CERS5: variants seen among roughly 807,000 people sequenced by gnomAD.
The protein encoded by CERS5 is ceramide synthase 5.
A neutral mutation model predicts 58.9 loss-of-function variants in CERS5; 37 were observed. The observed-to-expected ratio is 0.63, with a 90% confidence interval of 0.48 to 0.83. CERS5 has a LOEUF of 0.83. CERS5 is among the 40% of genes least tolerant of loss of function. The pLI is 0.00. For missense variants in CERS5, 398 were observed against 489.3 expected, an observed-to-expected ratio of 0.81 and a Z score of 1.76; for synonymous variants, 147 against 177.8, an observed-to-expected ratio of 0.83 and a Z score of 1.38.
intron 2 of CERS5, 95 bp from the exon 3 acceptor site, chr12:50,143,299 G>A: frequency 2.2e-6 from 3 of 1,394,108 alleles, no homozygotes; most frequent in Non-Finnish European, 3.0e-6. Flanking sequence ...ATAGCCATAA[G>A]TGGCTCAAGT....
At position 50,132,303 on chromosome 12, in the gene CERS5, G is replaced by A. The variant is rs138283595; in HGVS notation, c.1030-1609C>T. 2.6e-5 allele frequency among the ~76,000 whole-genome samples: 4 copies of A among 152,096 alleles called. No individual in the cohort carries two copies. In the East Asian group the frequency reaches 7.7e-4, roughly 29 times the overall value. ...TGTAATCCCAGCTACTCAGGAGGCT[G>A]AGGCAGGAGACTCGCTTGAACTGGG... On this transcript the variant is annotated intron_variant, in intron 9 of 9. Transcript: ENST00000317551.
intron 1 of CERS5, chr12:50,165,631 T>G (rs955835964): frequency 1.2e-5 from 2 of 173,208 alleles, no homozygotes; most frequent in African/African-American, 4.8e-5. Flanking sequence ...GAACACAAGA[T>G]TTTGAAAGAC....
intron 8 of CERS5, among the ~76,000 whole-genome samples, chr12:50,135,128 A>AGAGC (rs1951567717): frequency 1.8e-5 from 1 of 55,854 alleles, no homozygotes; most frequent in Non-Finnish European, 3.0e-5. Context: ...GAGAGAGAGG[A>AGAGC]GAGGGAGGGA....
intron 6 of CERS5, among the ~76,000 whole-genome samples, chr12:50,136,780 T>G (rs1951717569): frequency 6.6e-6 from 1 of 152,204 alleles, no homozygotes; most frequent in African/African-American, 2.4e-5. Context: ...TGGCTCTAAT[T>G]TCCTCTTGGG....
chr12:50,136,097 A>T (rs758982944), intron 6 of CERS5, 28 bp from the exon 7 acceptor site: 1 of 1,471,676 alleles, frequency 6.8e-7, no homozygotes, highest in South Asian at 1.6e-5. Context: ...TAGAAGAGGG[A>T]GGTAAAAGCT....
At chr12:50,138,703 G>A in intron 4 of CERS5, 86 bp from the exon 5 acceptor site, 1 of 1,232,616 alleles carries the variant, frequency 8.1e-7, no homozygotes. Flanking sequence ...TTCTCTCTAG[G>A]CTGGGGCAAA....
chr12:50,155,984 C>T (rs1446886151), intron 1 of CERS5, among the ~76,000 whole-genome samples: 2 of 148,620 alleles, frequency 1.3e-5, no homozygotes, highest in African/African-American at 5.0e-5. Flanking sequence ...ACCTGCAGTC[C>T]CAGCTACTCG....
intron 1 of CERS5, 98 bp from the exon 2 acceptor site, chr12:50,144,155 GT>G: frequency 1.4e-6 from 1 of 710,896 alleles, no homozygotes; most frequent in Non-Finnish European, 2.5e-6. Context: ...ACAATGTGAT[GT>G]TTCAATGCAT....
chr12:50,150,021 C>G (rs918027325), intron 1 of CERS5, among the ~76,000 whole-genome samples: 3 of 152,192 alleles, frequency 2.0e-5, no homozygotes, highest in African/African-American at 7.2e-5. Context: ...GGATTACAGG[C>G]GTGAGCCAGC....
intron 1 of CERS5, among the ~76,000 whole-genome samples, chr12:50,164,734 A>T (rs1415370171): frequency 6.6e-6 from 1 of 152,094 alleles, no homozygotes; most frequent in Non-Finnish European, 1.5e-5. Flanking sequence ...CAGGTAAAGG[A>T]TCCCTTCCAG....
intron 1 of CERS5, among the ~76,000 whole-genome samples, chr12:50,162,520 G>T (rs1939416337): frequency 6.6e-6 from 1 of 151,830 alleles, no homozygotes; most frequent in South Asian, 2.1e-4. Context: ...ATGAGAAAAT[G>T]TATGCAAGGA....
chr12:50,150,210 A>T (rs1937803126), intron 1 of CERS5, among the ~76,000 whole-genome samples: 1 of 152,148 alleles, frequency 6.6e-6, no homozygotes, highest in South Asian at 2.1e-4. Context: ...AAATTTTAAA[A>T]ATTAGCTGGA....
At chr12:50,166,023 A>AT (rs1228615593) in intron 1 of CERS5, 3 of 439,448 alleles carry the variant, frequency 6.8e-6, no homozygotes, top group African/African-American at 6.1e-5. Flanking sequence ...TGCTAAACTC[A>AT]TTTAGAAGCT....
intron 1 of CERS5, among the ~76,000 whole-genome samples, chr12:50,163,960 ATTT>A (rs34267480): frequency 2.2e-5 from 3 of 134,948 alleles, no homozygotes; most frequent in African/African-American, 2.8e-5. Context: ...AGCCTCTACA[ATTT>A]TTTTTTTTTT....
At chr12:50,160,491 A>G (rs183596048) in intron 1 of CERS5, among the ~76,000 whole-genome samples, 2 of 152,250 alleles carry the variant, frequency 1.3e-5, no homozygotes, top group African/African-American at 4.8e-5. Flanking sequence ...CCTTGAAGTA[A>G]TAAGAGAGAA....
At chr12:50,160,818 C>T (rs1387198554) in intron 1 of CERS5, among the ~76,000 whole-genome samples, 2 of 152,102 alleles carry the variant, frequency 1.3e-5, no homozygotes, top group Non-Finnish European at 2.9e-5. Flanking sequence ...ACACAATATT[C>T]AAAGAAGCAA....
chr12:50,159,103 T>G (rs946771202), intron 1 of CERS5, among the ~76,000 whole-genome samples: 1 of 152,062 alleles, frequency 6.6e-6, no homozygotes, highest in African/African-American at 2.4e-5. Context: ...GGGCGAATCA[T>G]GAGGTCAGGA....
At chr12:50,159,657 G>A (rs12830386) in intron 1 of CERS5, among the ~76,000 whole-genome samples, 44,348 of 151,852 alleles carry the variant, frequency 0.29, 7,580 homozygotes, top group Middle Eastern at 0.4. Context: ...GCAATGGTGC[G>A]ATCTTGGCTC....
chr12:50,156,437 T>TATATATATATATATATATATAA lies in CERS5; in HGVS notation c.197+10663_197+10664insTTATATATATATATATATATAT, dbSNP rs1197474516. On this transcript the variant is annotated intron_variant, in intron 1 of 9. Transcript: ENST00000317551. The stretch of plus-strand genomic sequence containing the variant: ...CAAACAAACTATATATATATATATA[T>TATATATATATATATATATATAA]AAAACAATTAGTAGCCAGGTGTGGT... Among the ~76,000 whole-genome samples the TATATATATATATATATATATAA allele has an allele frequency of 6.2e-4, 67 of 108,850 alleles. 4 individuals carry two copies. Among genetic ancestry groups the TATATATATATATATATATATAA allele is most frequent in the South Asian group, 1.1e-3 (4 of 3,710 alleles). The allele number at this position is 108,850 out of a possible 152,430, so 71.4% of individuals were successfully genotyped here. A position where few individuals can be genotyped will look rare whatever the true frequency, so the allele number is the denominator to read the frequency against.
Sources: allele counts gnomAD v4.1 joint callset (sites outside exome capture counted in the v4.1 genomes callset), GRCh38; gene constraint gnomAD v4.1.1; transcripts MANE v1.5; gene names NCBI Gene and HGNC (gene_info 2026-07-23, HGNC 2026-07-21).